DYM: variants seen among roughly 807,000 people sequenced by gnomAD.
The protein encoded by DYM is dyggve-Melchior-Clausen syndrome protein.
In DYM, 78 loss-of-function variants were observed where a neutral mutation model predicts 93.1. That is an observed-to-expected ratio of 0.84 (90% CI 0.70 to 1.01). The LOEUF is 1.01. Ranked by LOEUF, DYM falls within the 50% of genes least tolerant of loss-of-function variation. The pLI is 0.00. For missense variants in DYM, 789 were observed against 845.0 expected (o/e 0.93, Z 0.82); for synonymous variants, 321 against 319.7 (o/e 1.00, Z -0.04).
intron 17 of DYM, among the ~76,000 whole-genome samples, chr18:49,094,386 G>A (rs935569261): frequency 3.9e-5 from 6 of 152,126 alleles, no homozygotes; most frequent in African/African-American, 1.4e-4. Context: ...GGCTCCCAGA[G>A]GACATACTAA....
At chr18:49,260,836 C>A (rs2094477681) in intron 11 of DYM, among the ~76,000 whole-genome samples, 1 of 151,304 alleles carries the variant, frequency 6.6e-6, no homozygotes, top group African/African-American at 2.4e-5. Flanking sequence ...CAGCATGAAC[C>A]ACCCATGTAC....
intron 15 of DYM, among the ~76,000 whole-genome samples, chr18:49,145,005 C>A (rs966260255): frequency 6.7e-6 from 1 of 149,496 alleles, no homozygotes; most frequent in Non-Finnish European, 1.5e-5. Flanking sequence ...AAGGCTGAGG[C>A]GGGAGTATTG....
rs1178761384 is a variant in DYM at position 49,440,411 on chromosome 18, T to TGATATATAATATA, written c.-53-9965_-53-9964insTATATTATATATC. ...GATATATAATATAGCATATTATATA[T>TGATATATAATATA]GCTATATAATATATATTTAGGAGTA... is the stretch of plus-strand genomic sequence containing the variant. On this transcript the variant is annotated intron_variant, in intron 1 of 17. Transcript: ENST00000675505. Among the ~76,000 whole-genome samples the TGATATATAATATA allele has an allele frequency of 3.6e-4, 43 of 118,814 alleles. 3 individuals are homozygous for TGATATATAATATA. The highest frequency in any genetic ancestry group is 3.0e-3 in the East Asian group (11 of 3,676). 77.9% of individuals were successfully genotyped at this position (118,814 alleles called of 152,430 possible). A position where few individuals can be genotyped will look rare whatever the true frequency, so the allele number is the denominator to read the frequency against.
At chr18:49,278,938 C>T (rs1316235499) in intron 10 of DYM, among the ~76,000 whole-genome samples, 3 of 152,144 alleles carry the variant, frequency 2.0e-5, no homozygotes, top group Non-Finnish European at 4.4e-5. Flanking sequence ...TGTCTAGCTG[C>T]TTTTCTTGGT....
intron 3 of DYM, among the ~76,000 whole-genome samples, chr18:49,386,999 G>A (rs370895870): frequency 5.4e-5 from 8 of 146,856 alleles, no homozygotes; most frequent in Admixed American, 6.8e-5. Flanking sequence ...GCTGAATGTC[G>A]TAGTGTGATC....
chr18:49,319,791 C>T (rs1231415926), intron 8 of DYM, among the ~76,000 whole-genome samples: 1 of 152,194 alleles, frequency 6.6e-6, no homozygotes, highest in African/African-American at 2.4e-5. Flanking sequence ...ATCCACCACC[C>T]TGCTAGTGAA....
At chr18:49,434,575 C>T (rs2080648906) in intron 1 of DYM, among the ~76,000 whole-genome samples, 1 of 152,026 alleles carries the variant, frequency 6.6e-6, no homozygotes. Context: ...GAAAAGGACT[C>T]TGGAGTGGGG....
intron 12 of DYM, among the ~76,000 whole-genome samples, chr18:49,258,121 A>C (rs2094423642): frequency 1.3e-5 from 2 of 152,182 alleles, no homozygotes; most frequent in African/African-American, 4.8e-5. Context: ...TGGCCAAATA[A>C]AGACATACAA....
intron 10 of DYM, among the ~76,000 whole-genome samples, chr18:49,279,448 T>C (rs1424448031): frequency 1.3e-5 from 2 of 152,150 alleles, no homozygotes; most frequent in African/African-American, 4.8e-5. Flanking sequence ...CCTCAACATA[T>C]TTATTATAGA....
At chr18:49,201,150 C>T (rs2091955133) in intron 14 of DYM, among the ~76,000 whole-genome samples, 1 of 152,150 alleles carries the variant, frequency 6.6e-6, no homozygotes, top group Admixed American at 6.5e-5. Context: ...CTAGCACACT[C>T]CTCTTACAGT....
chr18:49,332,230 T>C lies in DYM; in HGVS notation c.621-224A>G, dbSNP rs139460521. ...TTTCCTCTTATCACATCATAAGATA[T>C]TGATCAAATTACTTAAATACTTTTT... On this transcript the variant is annotated intron_variant, in intron 7 of 17. Transcript: ENST00000675505. Among the ~76,000 whole-genome samples the C allele has an allele frequency of 2.1e-3, 321 of 152,280 alleles. 3 individuals carry two copies. The highest frequency in any genetic ancestry group is 2.3e-3 in the African/African-American group (97 of 41,556).
chr18:49,155,164 A>C (rs2086257333), intron 15 of DYM, among the ~76,000 whole-genome samples: 1 of 152,206 alleles, frequency 6.6e-6, no homozygotes, highest in African/African-American at 2.4e-5. Flanking sequence ...GTGGAACTGC[A>C]TATCTAGCTG....
At chr18:49,206,718 C>T (rs1008534647) in intron 14 of DYM, 4 of 152,170 alleles carry the variant, frequency 2.6e-5, no homozygotes, top group Non-Finnish European at 5.9e-5. Flanking sequence ...ATGCCCCTAG[C>T]CACTACACTA....
At chr18:49,281,895 T>C in intron 10 of DYM, 102 bp downstream of exon 10, 2 of 1,124,590 alleles carry the variant, frequency 1.8e-6, no homozygotes, top group Middle Eastern at 2.9e-4. Flanking sequence ...ATGGCACATG[T>C]ATACATATGT....
chr18:49,419,252 C>T (rs1334577109), intron 2 of DYM, among the ~76,000 whole-genome samples: 2 of 151,992 alleles, frequency 1.3e-5, no homozygotes, highest in Admixed American at 6.6e-5. Flanking sequence ...CCCAGCTACT[C>T]GGAAGCCTGA....
At chr18:49,222,770 G>A (rs1328999539) in intron 13 of DYM, among the ~76,000 whole-genome samples, 1 of 152,092 alleles carries the variant, frequency 6.6e-6, no homozygotes, top group African/African-American at 2.4e-5. Flanking sequence ...TTCCAACTAT[G>A]ATTACACAGT....
At chr18:49,356,285 G>C (rs558634631) in intron 6 of DYM, among the ~76,000 whole-genome samples, 1 of 152,178 alleles carries the variant, frequency 6.6e-6, no homozygotes, top group South Asian at 2.1e-4. Flanking sequence ...TAACAATCTT[G>C]GTTTTTTACC....
chr18:49,449,738 G>C (rs963907790), intron 1 of DYM, among the ~76,000 whole-genome samples: 4 of 152,222 alleles, frequency 2.6e-5, no homozygotes, highest in Admixed American at 2.6e-4. Flanking sequence ...AAGAATTTGT[G>C]AGGTTGGTCT....
At chr18:49,270,313 T>C (rs2094659939) in intron 11 of DYM, among the ~76,000 whole-genome samples, 1 of 152,224 alleles carries the variant, frequency 6.6e-6, no homozygotes, top group South Asian at 2.1e-4. Context: ...GAGGAGATTA[T>C]TCTAAGTGAA....
Sources: allele counts gnomAD v4.1 joint callset (sites outside exome capture counted in the v4.1 genomes callset), GRCh38; gene constraint gnomAD v4.1.1; transcripts MANE v1.5; gene names NCBI Gene and HGNC (gene_info 2026-07-23, HGNC 2026-07-21).